Variants in DONSON observed in about 807,000 individuals in gnomAD.
DONSON encodes DNA replication fork stabilization factor DONSON, also known as protein downstream neighbor of Son.
In DONSON, 43 loss-of-function variants were observed where a neutral mutation model predicts 62.1. The ratio of observed to expected loss-of-function variants is 0.69; its 90% CI spans 0.54 to 0.89. The LOEUF (loss-of-function observed/expected upper bound fraction) is 0.89, where lower values mean the gene tolerates loss of function less well. Among genes scored for constraint, DONSON ranks in the 40% least tolerant of loss-of-function variants. The probability of loss-of-function intolerance (pLI) is 0.00; values close to 1 mark genes in which losing one functional copy is unlikely to be tolerated. For missense variants in DONSON, 696 were observed against 697.5 expected (o/e 1.00, Z 0.03); for synonymous variants, 266 against 264.6 (o/e 1.01, Z -0.05).
intron 5 of DONSON, 150 bp from the exon 6 acceptor site, chr21:33,582,396 A>C: frequency 1.6e-6 from 1 of 643,642 alleles, no homozygotes; most frequent in Non-Finnish European, 2.7e-6. Context: ...ACAAACCTAC[A>C]AACATGCATA....
chr21:33,588,615 T>G lies in DONSON; in HGVS notation c.27A>C (p.Ser9=). ...CCTCGGGCGGCTTTCGGAAGCCCGG[T>G]GAGTAGCCGGGCACCGAAAGGGCCA... MALSVPGY[S]PGFRKPPEVV... is the part of the protein sequence containing the mutation. Residue 9 remains serine (S), a synonymous_variant, in exon 1 of 10, where the codon TCA becomes TCC. Coordinates refer to ENST00000303071, the MANE Select transcript of DONSON (RefSeq NM_017613.4). The G allele has an allele frequency of 2.4e-6, 3 of 1,246,426 alleles. No homozygotes were observed. The highest frequency in any genetic ancestry group is 3.0e-6 in the Non-Finnish European group (3 of 994,068). The allele number at this position is 1,246,426 out of a possible 1,614,324, so 77.2% of individuals were successfully genotyped here.
In DONSON at chr21:33,581,950, C is replaced by T; in HGVS notation, c.1151+1G>A. On this transcript the variant is annotated splice_donor_variant, in intron 7 of 9. Transcript: ENST00000303071. LOFTEE classifies it high-confidence loss of function. The stretch of plus-strand genomic sequence containing the variant: ...CTAGTTAACAACAACTGAAAGGATA[C>T]AGCTTGATAGAAAGTATGTCTGGCT... 6.2e-7 allele frequency: 1 copy of T among 1,613,670 alleles called. No homozygotes were observed. Among genetic ancestry groups the T allele is most frequent in the Non-Finnish European group, 8.5e-7 (1 of 1,179,596 alleles).
rs145014824 is a variant in DONSON at position 33,579,367 on chromosome 21, C to T, written c.1546G>A (p.Asp516Asn). ...CTACTTACCATATCAAGTACTTTGT[C>T]CATTTGCAGGCAGATGTTAAATACA... ...TAVFNICLQMDKVLDMEVVHK... is the reference protein window; with the variant it reads ...TAVFNICLQMNKVLDMEVVHK... Residue 516 changes from aspartate (D) to asparagine (N), a missense_variant, in exon 9 of 10, where the codon GAC becomes AAC. Coordinates refer to ENST00000303071, the MANE Select transcript of DONSON (RefSeq NM_017613.4). The T allele has an allele frequency of 1.2e-6, 2 of 1,604,832 alleles. No homozygotes were observed. Among genetic ancestry groups the T allele is most frequent in the South Asian group, 2.2e-5 (2 of 90,328 alleles).
At chr21:33,579,012 C>T (rs979326447) in intron 9 of DONSON, among the ~76,000 whole-genome samples, 2 of 152,064 alleles carry the variant, frequency 1.3e-5, no homozygotes, top group African/African-American at 4.8e-5. Flanking sequence ...GTGGCACATG[C>T]CTGTAATCTC....
chr21:33,586,185 T>C lies in DONSON; in HGVS notation c.403-4A>G. The stretch of plus-strand genomic sequence containing the variant: ...CGGAGAATGATACATGTGAAGTCTT[T>C]AGAAAACAAAGAATGCAAAAATTAG... On this transcript the variant is annotated splice_region_variant and splice_polypyrimidine_tract_variant and intron_variant, in intron 2 of 9. Coordinates refer to ENST00000303071, the MANE Select transcript of DONSON (RefSeq NM_017613.4). 1 of 1,613,280 alleles carries C rather than the reference T, an allele frequency of 6.2e-7. No individual in the cohort carries two copies. The highest frequency in any genetic ancestry group is 8.5e-7 in the Non-Finnish European group (1 of 1,179,346).
chr21:33,588,393 C>T lies in DONSON; in HGVS notation c.249G>A (p.Leu83=). The stretch of plus-strand genomic sequence containing the variant: ...CCGCGGCGACCCGCGGTCGGTTGTC[C>T]AGGCGGGCGAAGGGGTTCCTCCGAG... ...AAARRNPFAR[L]DNRPRVAAEP... is the part of the protein sequence containing the mutation. Residue 83 remains leucine (L), a synonymous_variant, in exon 1 of 10, where the codon CTG becomes CTA. Transcript: ENST00000303071. The T allele has an allele frequency of 7.7e-7, 1 of 1,301,780 alleles. No homozygotes were observed. The highest frequency in any genetic ancestry group is 9.7e-7 in the Non-Finnish European group (1 of 1,029,890). The allele number at this position is 1,301,780 out of a possible 1,614,324, so 80.6% of individuals were successfully genotyped here. A position where few individuals can be genotyped will look rare whatever the true frequency, so the allele number is the denominator to read the frequency against.
chr21:33,584,664 A>C lies in DONSON; in HGVS notation c.711T>G (p.Ala237=). The C allele has an allele frequency of 1.9e-6, 3 of 1,613,308 alleles. No individual in the cohort carries two copies. The highest frequency in any genetic ancestry group is 2.5e-6 in the Non-Finnish European group (3 of 1,179,404). ...SWLPLFPRIG[A]DRKMAGKTSP... ...TTGTCTTTCCAGCCATTTTTCTATCAGCTCCAATACGAGGGAACAGTGGTA... is the reference window on the plus strand; with the variant it reads ...TTGTCTTTCCAGCCATTTTTCTATCCGCTCCAATACGAGGGAACAGTGGTA... Residue 237 remains alanine (A), a synonymous_variant, in exon 4 of 10, where the codon GCT becomes GCG. Coordinates refer to ENST00000303071, the MANE Select transcript of DONSON (RefSeq NM_017613.4).
intron 5 of DONSON, among the ~76,000 whole-genome samples, chr21:33,583,218 A>G (rs1307245257): frequency 1.5e-5 from 2 of 131,504 alleles, no homozygotes; most frequent in African/African-American, 5.3e-5. Context: ...AAAAAAAAAA[A>G]AAAAAAAGAA....
Position 33,588,564 on chromosome 21 carries a change from G to T in DONSON, c.78C>A (p.Ala26=). ...GGGAGGCGGCAGCTCCACGGCTCCGGGCCCTTTTCCGTCGGAGCCGCACTA... is the reference window on the plus strand; with the variant it reads ...GGGAGGCGGCAGCTCCACGGCTCCGTGCCCTTTTCCGTCGGAGCCGCACTA... ...PEVVRLRRKR[A]RSRGAAASPP... is the part of the protein sequence containing the mutation. Residue 26 remains alanine, a synonymous_variant, in exon 1 of 10, where the codon GCC becomes GCA. Transcript: ENST00000303071. 8.0e-7 allele frequency: 1 copy of T among 1,254,156 alleles called. No individual in the cohort carries two copies. Among genetic ancestry groups the T allele is most frequent in the South Asian group, 3.0e-5 (1 of 33,438 alleles). 77.7% of individuals were successfully genotyped at this position (1,254,156 alleles called of 1,614,324 possible). A position where few individuals can be genotyped will look rare whatever the true frequency, so the allele number is the denominator to read the frequency against.
chr21:33,578,486 C>T, intron 9 of DONSON, 42 bp from the exon 10 acceptor site: 1 of 1,566,464 alleles, frequency 6.4e-7, no homozygotes, highest in South Asian at 1.2e-5. Context: ...GCACATTAGT[C>T]TTTAAACACA....
chr21:33,582,708 C>G (rs768311433), intron 5 of DONSON, among the ~76,000 whole-genome samples: 1 of 152,210 alleles, frequency 6.6e-6, no homozygotes, highest in Admixed American at 6.5e-5. Flanking sequence ...GAGTCCCCAA[C>G]CCCTGGACTG....
intron 9 of DONSON, among the ~76,000 whole-genome samples, chr21:33,579,113 C>T (rs527364498): frequency 4.2e-4 from 63 of 150,582 alleles, no homozygotes; most frequent in African/African-American, 1.5e-3. Context: ...CACTCCAGCC[C>T]GGGCAACAGC....
intron 4 of DONSON, among the ~76,000 whole-genome samples, chr21:33,584,321 C>G (rs1041711564): frequency 1.3e-5 from 2 of 151,514 alleles, no homozygotes; most frequent in East Asian, 3.9e-4. Flanking sequence ...GCTGGGATTA[C>G]AGGCGTGAGC....
Position 33,578,180 on chromosome 21 carries a change from T to C in DONSON, c.*127A>G. 3 of 983,064 alleles carry C rather than the reference T, an allele frequency of 3.1e-6. No homozygotes were observed. The East Asian group carries it at 7.6e-5, about 25-fold the overall frequency. The allele number at this position is 983,064 out of a possible 1,614,324, so 60.9% of individuals were successfully genotyped here. ...AAATAGTAAAACACATTTAAAACCT[T>C]AGATGCTACTGTAGTAAAAGTTATG... On this transcript the variant is annotated 3_prime_UTR_variant, in exon 10 of 10. Coordinates refer to ENST00000303071, the MANE Select transcript of DONSON (RefSeq NM_017613.4).
rs189511526 is a variant in DONSON, at chr21:33,587,921, G to A, written c.322-319C>T. Among the ~76,000 whole-genome samples the A allele has an allele frequency of 7.5e-4, 115 of 152,350 alleles. 1 individual carries two copies. Among genetic ancestry groups the A allele is most frequent in the African/African-American group, 2.5e-3 (105 of 41,582 alleles). On this transcript the variant is annotated intron_variant, in intron 1 of 9. Transcript: ENST00000303071. Reference sequence around the variant, plus strand: ...AATAATTTGGAGTGCGTGAGAGAAGGGAGGCCCTAAATCACGGGGGAAGCA... The same window carrying A: ...AATAATTTGGAGTGCGTGAGAGAAGAGAGGCCCTAAATCACGGGGGAAGCA...
At position 33,587,578 on chromosome 21, in the gene DONSON, C is replaced by T. The variant is rs536366573; in HGVS notation, c.346G>A (p.Asp116Asn). The T allele has an allele frequency of 6.3e-7, 1 of 1,596,524 alleles. No individual in the cohort carries two copies. The highest frequency in any genetic ancestry group is 1.1e-5 in the South Asian group (1 of 87,302). The change falls in exon 2 of 10, where the codon GAT becomes AAT. Residue 116 changes from aspartate to asparagine, a missense_variant. Transcript: ENST00000303071. The stretch of plus-strand genomic sequence containing the variant: ...GGAAACTTCTCTTCCCATAGCAAAT[C>T]ATTTTCTTGATTAGAATCTAAAAAC... Reference protein sequence around the residue: ...VPFLDSNQENDLLWEEKFPER... With the variant: ...VPFLDSNQENNLLWEEKFPER...
rs1025383849 is a variant in DONSON at position 33,588,265 on chromosome 21, T to C, written c.321+56A>G. ...GGACTTTCCATCCCCCATTCACAGC[T>C]GGCTCAACCCACGAAAGACAAGAGC... On this transcript the variant is annotated intron_variant, in intron 1 of 9. Transcript: ENST00000303071. 3 of 1,193,396 alleles carry C rather than the reference T, an allele frequency of 2.5e-6. No individual in the cohort carries two copies. The East Asian group carries it at 9.6e-5, about 38-fold the overall frequency. 73.9% of individuals were successfully genotyped at this position (1,193,396 alleles called of 1,614,324 possible). A position where few individuals can be genotyped will look rare whatever the true frequency, so the allele number is the denominator to read the frequency against.
At chr21:33,585,429 C>T (rs1419918650) in intron 3 of DONSON, among the ~76,000 whole-genome samples, 6 of 134,536 alleles carry the variant, frequency 4.5e-5, no homozygotes, top group Non-Finnish European at 6.2e-5. Flanking sequence ...GGTCTCACTA[C>T]GTTACTCAGG....
At chr21:33,581,526 C>G in intron 7 of DONSON, 26 bp from the exon 8 acceptor site, 1 of 1,596,024 alleles carries the variant, frequency 6.3e-7, no homozygotes, top group Middle Eastern at 1.7e-4. Flanking sequence ...AAGGAAATTG[C>G]AAAAGCAAAT....
Sources: gnomAD v4.1 joint callset for allele counts (sites outside exome capture counted in the v4.1 genomes callset) on GRCh38, gnomAD v4.1.1 for gene constraint, MANE v1.5 for transcripts, NCBI Gene and HGNC (gene_info 2026-07-23, HGNC 2026-07-21) for gene names.